The following MYO18B variants were observed in gnomAD, a reference collection of about 807,000 sequenced individuals.
MYO18B encodes unconventional myosin-XVIIIb.
In MYO18B, 204 loss-of-function variants were observed where a neutral mutation model predicts 273.0. The observed-to-expected ratio is 0.75, with a 90% CI of 0.67 to 0.84. MYO18B has a LOEUF of 0.84. Ranked by LOEUF, MYO18B falls within the 40% of genes least tolerant of loss-of-function variation. MYO18B has a pLI of 0.00. For synonymous variants in MYO18B, 1,330 were observed against 1,305.7 expected, an observed-to-expected ratio of 1.02 and a Z score of -0.40; for missense variants, 3,212 against 3,287.6, an observed-to-expected ratio of 0.98 and a Z score of 0.56.
chr22:25,939,854 G>A (rs1472322127), intron 34 of MYO18B, among the ~76,000 whole-genome samples: 1 of 152,150 alleles, frequency 6.6e-6, no homozygotes, highest in Admixed American at 6.6e-5. Context: ...GTACTTGAAT[G>A]ACCATCAGTA....
intron 39 of MYO18B, chr22:25,964,120 A>G (rs1214819382): frequency 1.3e-5 from 2 of 152,300 alleles, no homozygotes; most frequent in Admixed American, 1.3e-4. Context: ...CCTCTATCAG[A>G]GACAGTCATC....
chr22:25,876,081 A>G, intron 23 of MYO18B, 108 bp from the exon 24 acceptor site: 1 of 1,061,024 alleles, frequency 9.4e-7, no homozygotes, highest in Non-Finnish European at 1.4e-6. Flanking sequence ...TCCACCGGGA[A>G]ATAACCCCAC....
rs999793775 is a variant in MYO18B, at chr22:25,875,512, C to G, written c.4081-677C>G. On this transcript the variant is annotated intron_variant, in intron 23 of 43. Coordinates refer to ENST00000335473, the MANE Select transcript of MYO18B (RefSeq NM_032608.7). ...CAGTCAGTGCTGTTCTGGTCCCCCC[C>G]CCAGTGATAAGAATGAAGCGGGTCA... Among the ~76,000 whole-genome samples the G allele has an allele frequency of 2.7e-3, 404 of 151,746 alleles. 2 individuals are homozygous for G. Among genetic ancestry groups the G allele is most frequent in the Non-Finnish European group, 4.0e-3 (270 of 67,828 alleles).
chr22:26,032,986 A>C (rs1041759957), downstream of MYO18B, among the ~76,000 whole-genome samples: 3 of 152,200 alleles, frequency 2.0e-5, no homozygotes, highest in Non-Finnish European at 4.4e-5. Context: ...AATAATTTTC[A>C]TACAGAATGA....
At chr22:26,060,926 T>C in the MYO18B span, among the ~76,000 whole-genome samples, 2 of 151,824 alleles carry the variant, frequency 1.3e-5, no homozygotes, top group Non-Finnish European at 2.9e-5. Flanking sequence ...TATACACACA[T>C]ACATTCACAC....
chr22:26,015,883 C>T (rs1001014166), intron 42 of MYO18B, among the ~76,000 whole-genome samples: 4 of 152,188 alleles, frequency 2.6e-5, no homozygotes, highest in Admixed American at 2.6e-4. Flanking sequence ...AGTGCATCTA[C>T]CACCCCCTCT....
At chr22:26,014,605 A>T (rs185358161) in intron 42 of MYO18B, among the ~76,000 whole-genome samples, 2 of 152,336 alleles carry the variant, frequency 1.3e-5, no homozygotes, top group African/African-American at 4.8e-5. Context: ...TACATCTGGA[A>T]GCTGAGTGCT....
chr22:25,798,606 C>T (rs759697208), intron 12 of MYO18B, among the ~76,000 whole-genome samples: 44 of 151,868 alleles, frequency 2.9e-4, no homozygotes, highest in Non-Finnish European at 5.4e-4. Flanking sequence ...CATTGTTGTT[C>T]AGGGCAGTAG....
At chr22:26,010,178 C>G (rs1246481270) in intron 42 of MYO18B, among the ~76,000 whole-genome samples, 2 of 152,176 alleles carry the variant, frequency 1.3e-5, no homozygotes, top group East Asian at 3.8e-4. Flanking sequence ...CTGCTTCTCT[C>G]CATCCCCCAC....
chr22:25,948,444 TTCC>T (rs2092745571), intron 36 of MYO18B, among the ~76,000 whole-genome samples: 5 of 130,926 alleles, frequency 3.8e-5, no homozygotes, highest in East Asian at 2.2e-4. Flanking sequence ...CCTTCCTTCC[TTCC>T]TTCCTTCCTT....
chr22:25,947,899 T>C, intron 36 of MYO18B, 71 bp downstream of exon 36: 1 of 1,158,446 alleles, frequency 8.6e-7, no homozygotes, highest in Admixed American at 1.9e-5. Context: ...GTTGAGAAGG[T>C]GATGTGGTTG....
chr22:25,987,684 CT>C (rs2093217321), intron 39 of MYO18B, among the ~76,000 whole-genome samples: 1 of 152,026 alleles, frequency 6.6e-6, no homozygotes, highest in South Asian at 2.1e-4. Flanking sequence ...GAAGTGAGGA[CT>C]TTATTTGTAT....
intron 42 of MYO18B, 87 bp from the exon 43 acceptor site, chr22:26,026,358 T>C: frequency 2.8e-6 from 4 of 1,409,622 alleles, no homozygotes; most frequent in Non-Finnish European, 2.9e-6. Flanking sequence ...ATAATATTAG[T>C]GCCTGTGCTT....
intron 15 of MYO18B, among the ~76,000 whole-genome samples, chr22:25,832,499 T>A (rs2145935247): frequency 6.6e-6 from 1 of 152,322 alleles, no homozygotes; most frequent in Non-Finnish European, 1.5e-5. Context: ...GAGGACATTA[T>A]GCTAAGTTAC....
chr22:25,822,997 TCTTA>T (rs1374956655), intron 12 of MYO18B, among the ~76,000 whole-genome samples: 1 of 152,218 alleles, frequency 6.6e-6, no homozygotes, highest in Non-Finnish European at 1.5e-5. Flanking sequence ...TGGCTATTTA[TCTTA>T]CTTCTGTTTG....
At chr22:25,778,843 T>G (rs1050300902) in intron 8 of MYO18B, among the ~76,000 whole-genome samples, 1 of 151,860 alleles carries the variant, frequency 6.6e-6, no homozygotes, top group Non-Finnish European at 1.5e-5. Context: ...GGTATTATTA[T>G]TTTATATTTT....
chr22:25,763,734 G>A (rs969103361), intron 3 of MYO18B, among the ~76,000 whole-genome samples: 13 of 152,156 alleles, frequency 8.5e-5, no homozygotes, highest in African/African-American at 3.1e-4. Context: ...ATTCAATTCT[G>A]TATCTTAAGC....
chr22:26,032,852 G>A (rs1407841191), downstream of MYO18B, among the ~76,000 whole-genome samples: 4 of 152,050 alleles, frequency 2.6e-5, no homozygotes. Context: ...TAAGGTATGG[G>A]GGGTTAGAAC....
chr22:25,985,932 T>C (rs5761336), intron 39 of MYO18B, among the ~76,000 whole-genome samples: 110,008 of 152,160 alleles, frequency 0.72, 41,004 homozygotes, highest in African/African-American at 0.9. Flanking sequence ...CCGCCCAGCC[T>C]ACAGGGCTTT....
Sources: allele counts gnomAD v4.1 joint callset (sites outside exome capture counted in the v4.1 genomes callset), GRCh38; gene constraint gnomAD v4.1.1; transcripts MANE v1.5; gene names NCBI Gene and HGNC (gene_info 2026-07-23, HGNC 2026-07-21).